The following IL2RB variants were observed in gnomAD, a reference collection of about 807,000 sequenced individuals.
IL2RB encodes interleukin-2 receptor subunit beta.
In IL2RB, 17 loss-of-function variants were observed where a neutral mutation model predicts 44.2. The ratio of observed to expected loss-of-function variants is 0.38; its 90% CI spans 0.26 to 0.58. IL2RB has a LOEUF of 0.58. Among genes scored for constraint, IL2RB ranks in the 20% least tolerant of loss-of-function variants. IL2RB has a pLI of 0.63. For synonymous variants in IL2RB, 286 were observed against 297.9 expected (o/e 0.96, Z 0.41); for missense variants, 624 against 685.5 (o/e 0.91, Z 1.00).
At chr22:37,132,278 G>A (rs1478475904) in intron 9 of IL2RB, 106 bp downstream of exon 9, 8 of 787,028 alleles carry the variant, frequency 1.0e-5, no homozygotes, top group African/African-American at 1.7e-5. Flanking sequence ...TGCTCACTTC[G>A]GCGTTTTGTC....
intron 1 of IL2RB, among the ~76,000 whole-genome samples, chr22:37,145,315 C>T (rs1019189430): frequency 6.6e-6 from 1 of 152,050 alleles, no homozygotes; most frequent in Non-Finnish European, 1.5e-5. Context: ...CAGATTATAC[C>T]CCAGGGAGGA....
chr22:37,162,771 T>C (rs976550209), intron 1 of IL2RB, among the ~76,000 whole-genome samples: 1 of 151,862 alleles, frequency 6.6e-6, no homozygotes, highest in African/African-American at 2.4e-5. Flanking sequence ...CCAGGGGTAC[T>C]GGGGAAGAGG....
chr22:37,140,890 C>A (rs917437963), intron 4 of IL2RB, among the ~76,000 whole-genome samples: 2 of 152,184 alleles, frequency 1.3e-5, no homozygotes, highest in African/African-American at 2.4e-5. Flanking sequence ...GGGCAGAGAC[C>A]ATACCTCTCT....
intron 6 of IL2RB, among the ~76,000 whole-genome samples, chr22:37,137,025 A>G (rs915517901): frequency 6.6e-6 from 1 of 152,082 alleles, no homozygotes; most frequent in East Asian, 1.9e-4. Context: ...ACTTATCACT[A>G]TCCGGGTGCC....
At chr22:37,172,115 C>T (rs1923306023) in intron 1 of IL2RB, among the ~76,000 whole-genome samples, 1 of 151,860 alleles carries the variant, frequency 6.6e-6, no homozygotes, top group South Asian at 2.1e-4. Flanking sequence ...CTTTAATGCT[C>T]CCTCTCAAGT....
Position 37,167,622 on chromosome 22 carries a change from C to T in IL2RB, c.-34+7336G>A, listed in dbSNP as rs527327333. Among the ~76,000 whole-genome samples the T allele has an allele frequency of 1.2e-4, 18 of 152,334 alleles. No homozygotes were observed. The South Asian group carries it at 2.9e-3, about 25-fold the overall frequency. On this transcript the variant is annotated intron_variant, in intron 1 of 5. Coordinates refer to the IL2RB transcript ENST00000429622. ...TCTCTCTGCCCCAGGCCTCAGCCTGCGGTCACTTTCTCAGGGCAGCTTTCC... is the reference window on the plus strand; with the variant it reads ...TCTCTCTGCCCCAGGCCTCAGCCTGTGGTCACTTTCTCAGGGCAGCTTTCC...
At chr22:37,156,097 G>A (rs897393286) in intron 1 of IL2RB, among the ~76,000 whole-genome samples, 6 of 152,160 alleles carry the variant, frequency 3.9e-5, no homozygotes, top group Non-Finnish European at 7.4e-5. Flanking sequence ...TGGCCCTTGC[G>A]CTCAGCCTCC....
chr22:37,167,699 G>T (rs923990827), intron 1 of IL2RB, among the ~76,000 whole-genome samples: 2 of 152,234 alleles, frequency 1.3e-5, no homozygotes, highest in Non-Finnish European at 2.9e-5. Flanking sequence ...ACTGGATCAG[G>T]TGCTCATATT....
Position 37,132,385 on chromosome 22 carries a change from T to C in IL2RB, c.902A>G (p.Gln301Arg), listed in dbSNP as rs1921478344. The C allele has an allele frequency of 6.2e-7, 1 of 1,613,498 alleles. No homozygotes were observed. Among genetic ancestry groups the C allele is most frequent in the African/African-American group, 1.3e-5 (1 of 74,890 alleles). Residue 301 changes from glutamine to arginine, a missense_variant and splice_region_variant, in exon 9 of 10, where the codon CAG becomes CGG. This residue lies in a region of IL2RB where 255 missense variants were observed against 339.9 expected (regional missense o/e 0.75). Coordinates refer to ENST00000216223, the MANE Select transcript of IL2RB (RefSeq NM_000878.5). ...TGTCTCCCCGCCCCGGCCTCCTACCTGGACGTCTCCTCCATGCTCTGAGCT... is the reference window on the plus strand; with the variant it reads ...TGTCTCCCCGCCCCGGCCTCCTACCCGGACGTCTCCTCCATGCTCTGAGCT... ...QLSSEHGGDV[Q>R]KWLSSPFPSS...
chr22:37,136,993 C>T (rs909261337), intron 6 of IL2RB, among the ~76,000 whole-genome samples: 2 of 152,128 alleles, frequency 1.3e-5, no homozygotes, highest in African/African-American at 4.8e-5. Context: ...AATTCCTTGC[C>T]CCGTTGGGTT....
chr22:37,155,597 G>T (rs1922652335), intron 1 of IL2RB, among the ~76,000 whole-genome samples: 1 of 152,198 alleles, frequency 6.6e-6, no homozygotes, highest in Non-Finnish European at 1.5e-5. Flanking sequence ...CCAGAATGTG[G>T]CAGAGCCAGG....
In IL2RB at chr22:37,126,324, T is replaced by C. The variant is rs576363750; in HGVS notation, c.*1772A>G. The stretch of plus-strand genomic sequence containing the variant: ...AAGAAAGGGGAGTTTATTTTGGATA[T>C]AAAGGCAACAGGAATCCTGACCAAA... On this transcript the variant is annotated 3_prime_UTR_variant, in exon 10 of 10. Transcript: ENST00000216223. 1 of 152,328 alleles carries C rather than the reference T, an allele frequency of 6.6e-6. No individual in the cohort carries two copies. Among genetic ancestry groups the C allele is most frequent in the Non-Finnish European group, 1.5e-5 (1 of 68,026 alleles). 9.4% of individuals were successfully genotyped at this position (152,328 alleles called of 1,614,324 possible).
At chr22:37,169,598 C>T (rs1296609025) in intron 1 of IL2RB, among the ~76,000 whole-genome samples, 3 of 152,064 alleles carry the variant, frequency 2.0e-5, no homozygotes, top group African/African-American at 7.2e-5. Flanking sequence ...GAAGATCCCC[C>T]TTTGCATCCA....
rs1922068749 is a variant in IL2RB at position 37,143,547 on chromosome 22, G to A, written c.177C>T (p.Cys59=). The change falls in exon 3 of 10, where the codon TGC becomes TGT. Residue 59 remains cysteine, a synonymous_variant. Coordinates refer to ENST00000216223, the MANE Select transcript of IL2RB (RefSeq NM_000878.5). ...GTCTGTCCGGCCAGGCATGGACTTG[G>A]CAGGAAGTGTCCTGCAGAGCCCCAT... ...SQDGALQDTS[C]QVHAWPDRRR... The A allele has an allele frequency of 1.2e-6, 2 of 1,613,648 alleles. No homozygotes were observed. The highest frequency in any genetic ancestry group is 1.3e-5 in the African/African-American group (1 of 75,034).
At chr22:37,140,545 C>T (rs1921914005) in intron 4 of IL2RB, among the ~76,000 whole-genome samples, 1 of 151,968 alleles carries the variant, frequency 6.6e-6, no homozygotes, top group Non-Finnish European at 1.5e-5. Context: ...ATGGTGGAGC[C>T]AGGATCAGAA....
chr22:37,156,342 T>C (rs1019969275), intron 1 of IL2RB, among the ~76,000 whole-genome samples: 1 of 152,228 alleles, frequency 6.6e-6, no homozygotes, highest in African/African-American at 2.4e-5. Flanking sequence ...CAGCTGCGTG[T>C]GTCCAAAGAG....
intron 1 of IL2RB, among the ~76,000 whole-genome samples, chr22:37,163,925 C>T (rs903687052): frequency 1.3e-5 from 2 of 152,240 alleles, no homozygotes; most frequent in South Asian, 2.1e-4. Flanking sequence ...CTGTGAGAAA[C>T]GGCCCCAAAG....
chr22:37,150,915 T>G (rs1922464254), upstream of IL2RB, among the ~76,000 whole-genome samples: 1 of 152,252 alleles, frequency 6.6e-6, no homozygotes, highest in Admixed American at 6.5e-5. Context: ...TCATTCTTTT[T>G]CATGGCTGAA....
chr22:37,155,982 G>A (rs1390505971), intron 1 of IL2RB, among the ~76,000 whole-genome samples: 1 of 152,202 alleles, frequency 6.6e-6, no homozygotes, highest in Non-Finnish European at 1.5e-5. Context: ...TTCCAGCCCT[G>A]ATGTCCTTGG....
Sources: allele counts gnomAD v4.1 joint callset (sites outside exome capture counted in the v4.1 genomes callset), GRCh38; gene constraint gnomAD v4.1.1; regional missense constraint gnomAD v4.1.1; transcripts MANE v1.5; gene names NCBI Gene and HGNC (gene_info 2026-07-23, HGNC 2026-07-21).